The following TIAM2 variants were observed in gnomAD, a reference collection of about 807,000 sequenced individuals.
TIAM2 encodes TIAM Rac1 associated GEF 2, also known as rho guanine nucleotide exchange factor TIAM2.
Under a neutral mutation model 152.9 loss-of-function variants are expected in TIAM2, and 80 were observed. The observed-to-expected ratio is 0.52, with a 90% CI of 0.44 to 0.63. TIAM2 has a LOEUF of 0.63. Ranked by LOEUF, TIAM2 falls within the 30% of genes least tolerant of loss-of-function variation. The probability of loss-of-function intolerance (pLI) is 0.00; values close to 1 mark genes in which losing one functional copy is unlikely to be tolerated. For synonymous variants in TIAM2, 804 were observed against 838.0 expected, an observed-to-expected ratio of 0.96 and a Z score of 0.70; for missense variants, 1,965 against 2,120.1, an observed-to-expected ratio of 0.93 and a Z score of 1.44.
At chr6:155,217,021 C>A in intron 15 of TIAM2, 5 of 1,283,596 alleles carry the variant, frequency 3.9e-6, no homozygotes, top group Non-Finnish European at 5.1e-6. Flanking sequence ...TCCCAACAGC[C>A]GACTTAGATG....
chr6:155,145,503 G>A (rs1185806514), intron 6 of TIAM2, among the ~76,000 whole-genome samples: 2 of 152,086 alleles, frequency 1.3e-5, no homozygotes, highest in Non-Finnish European at 2.9e-5. Flanking sequence ...AAATGACATC[G>A]TGTGTGTGTT....
chr6:155,129,869 A>G lies in TIAM2; in HGVS notation c.646A>G (p.Arg216Gly). Residue 216 changes from arginine (R) to glycine (G), a missense_variant, in exon 4 of 27, where the codon AGG (arginine) becomes GGG (glycine). Transcript: ENST00000682666. This position sits in a 1 kb window ranked among gnomAD's most constrained non-coding sequence, Gnocchi z 4.8. ...SETSPVPEAR[R>G]GSSADSLPSH... Reference sequence around the variant, plus strand: ...AACCTCCCCTGTGCCTGAAGCCAGGAGGGGGTCCAGCGCCGATTCCCTGCC... The same window carrying G: ...AACCTCCCCTGTGCCTGAAGCCAGGGGGGGGTCCAGCGCCGATTCCCTGCC... 6.2e-7 allele frequency: 1 copy of G among 1,613,734 alleles called. No homozygotes were observed. The highest frequency in any genetic ancestry group is 8.5e-7 in the Non-Finnish European group (1 of 1,180,024).
intron 1 of TIAM2, among the ~76,000 whole-genome samples, chr6:155,020,052 C>CA (rs112314960): frequency 0.045 from 6,560 of 146,566 alleles, 219 homozygotes; most frequent in African/African-American, 0.087. Context: ...ACTCCGTCTG[C>CA]AAAAAAAAAA....
At chr6:155,159,874 A>C (rs1449469695) in intron 7 of TIAM2, among the ~76,000 whole-genome samples, 1 of 152,216 alleles carries the variant, frequency 6.6e-6, no homozygotes, top group African/African-American at 2.4e-5. Context: ...ATGATCTTTC[A>C]ATATGGAATA....
At position 155,253,900 on chromosome 6, in the gene TIAM2, A is replaced by G. The variant is rs1173918950; in HGVS notation, c.4226-73A>G. On this transcript the variant is annotated intron_variant, in intron 24 of 26. Transcript: ENST00000682666. Reference sequence around the variant, plus strand: ...GACTTTCTTAACTGATGAGATTTCAACTTTACAAGTGTTCTTAACCACAGC... The same window carrying G: ...GACTTTCTTAACTGATGAGATTTCAGCTTTACAAGTGTTCTTAACCACAGC... 3.5e-6 allele frequency: 4 copies of G among 1,158,374 alleles called. No individual in the cohort carries two copies. In the African/African-American group the frequency reaches 6.3e-5, roughly 18 times the overall value. 71.8% of individuals were successfully genotyped at this position (1,158,374 alleles called of 1,614,324 possible).
intron 14 of TIAM2, among the ~76,000 whole-genome samples, chr6:155,199,968 C>A (rs1475236795): frequency 6.6e-6 from 1 of 152,212 alleles, no homozygotes; most frequent in African/African-American, 2.4e-5. Context: ...GTAGCTTGGA[C>A]AAGGTCATAG....
chr6:155,037,454 A>G (rs1238790452), intron 1 of TIAM2, among the ~76,000 whole-genome samples: 2 of 152,128 alleles, frequency 1.3e-5, no homozygotes, highest in African/African-American at 2.4e-5. Flanking sequence ...ATCACCTGGA[A>G]CTAAATGCAC....
chr6:155,251,681 A>T (rs1262162915), intron 22 of TIAM2, among the ~76,000 whole-genome samples: 1 of 152,240 alleles, frequency 6.6e-6, no homozygotes, highest in Non-Finnish European at 1.5e-5. Context: ...TGAGATGAAC[A>T]CAGTGTCCTC....
At chr6:155,192,312 GA>G (rs202152359) in intron 14 of TIAM2, among the ~76,000 whole-genome samples, 3 of 150,776 alleles carry the variant, frequency 2.0e-5, no homozygotes, top group Non-Finnish European at 3.0e-5. Flanking sequence ...ATACAAACAT[GA>G]AAAAAAAACA....
intron 1 of TIAM2, among the ~76,000 whole-genome samples, chr6:155,066,786 C>T (rs1388880451): frequency 2.0e-5 from 3 of 151,984 alleles, no homozygotes; most frequent in South Asian, 2.1e-4. Context: ...GACTGAGTCT[C>T]GCTCTGTCGC....
At chr6:155,085,622 T>G (rs991286437) in intron 1 of TIAM2, among the ~76,000 whole-genome samples, 2 of 150,904 alleles carry the variant, frequency 1.3e-5, no homozygotes, top group African/African-American at 4.9e-5. Context: ...AGCTTTCGAG[T>G]AGGACATGGG....
chr6:155,241,566 G>C (rs73579313), intron 16 of TIAM2, among the ~76,000 whole-genome samples: 184 of 152,220 alleles, frequency 1.2e-3, no homozygotes, highest in African/African-American at 4.2e-3. Context: ...TGGCACACAC[G>C]TGCGGCTATT....
Position 155,256,729 on chromosome 6 carries a change from G to C in TIAM2, c.4714G>C (p.Asp1572His), listed in dbSNP as rs997617223. ...IKESDILSDE[D>H]DDHRQTVKQG... ...AGAGAGTGACATCCTGAGCGATGAA[G>C]ATGATGACCACCGTCAGACTGTGAA... The change falls in exon 27 of 27, where the codon GAT (aspartate) becomes CAT (histidine). Residue 1572 changes from aspartate to histidine, a missense_variant. Physicochemically the swap from Asp to His is moderately conservative, Grantham distance 81. This residue lies in a region of TIAM2 where 935 missense variants were observed against 980.0 expected (regional missense o/e 0.95). Coordinates refer to ENST00000682666, the MANE Select transcript of TIAM2 (RefSeq NM_012454.4). The C allele has an allele frequency of 3.1e-6, 5 of 1,614,084 alleles. No homozygotes were observed. The highest frequency in any genetic ancestry group is 4.2e-6 in the Non-Finnish European group (5 of 1,180,052).
At chr6:155,029,503 A>G (rs1776767272) in intron 1 of TIAM2, among the ~76,000 whole-genome samples, 1 of 16,172 alleles carries the variant, frequency 6.2e-5, no homozygotes, top group Non-Finnish European at 1.2e-4. Flanking sequence ...TATATTATAT[A>G]TAATATATAC....
chr6:155,212,696 G>A (rs1050181916), intron 15 of TIAM2, among the ~76,000 whole-genome samples: 5 of 95,576 alleles, frequency 5.2e-5, no homozygotes, highest in South Asian at 3.3e-4. Context: ...AGGCCCACTC[G>A]GCCCACTCGA....
At position 155,086,612 on chromosome 6, in the gene TIAM2, C is replaced by T. The variant is rs113016948; in HGVS notation, c.-208-3677C>T. 6.8e-4 allele frequency among the ~76,000 whole-genome samples: 101 copies of T among 148,188 alleles called. 3 individuals carry two copies. The highest frequency in any genetic ancestry group is 2.1e-3 in the African/African-American group (84 of 40,308). On this transcript the variant is annotated intron_variant, in intron 1 of 26. Transcript: ENST00000682666. Reference sequence around the variant, plus strand: ...ATCCCGGCTACTCAGGAGGCTGAGGCGGGAGAATTGCTTGAACCTAGGAGG... The same window carrying T: ...ATCCCGGCTACTCAGGAGGCTGAGGTGGGAGAATTGCTTGAACCTAGGAGG...
In TIAM2 at chr6:155,031,302, G is replaced by A. The variant is rs1156392209; in HGVS notation, c.-209+35810G>A. 2.6e-5 allele frequency among the ~76,000 whole-genome samples: 4 copies of A among 152,144 alleles called. No homozygotes were observed. The East Asian group carries it at 5.8e-4, about 22-fold the overall frequency. On this transcript the variant is annotated intron_variant, in intron 1 of 26. Transcript: ENST00000682666. ...TTAGAATGAGTCAATATAAATCCAG[G>A]TGAGTCTTTCTAAATGACTCAGACA... is the stretch of plus-strand genomic sequence containing the variant.
intron 20 of TIAM2, 138 bp from the exon 21 acceptor site, chr6:155,249,713 T>C: frequency 1.6e-6 from 1 of 616,682 alleles, no homozygotes; most frequent in South Asian, 2.4e-5. Context: ...TGTTGTGACT[T>C]ATTCTGAATG....
At chr6:155,216,283 A>G (rs758590475) in intron 15 of TIAM2, among the ~76,000 whole-genome samples, 8 of 152,170 alleles carry the variant, frequency 5.3e-5, no homozygotes, top group African/African-American at 1.7e-4. Context: ...CCCTAGCCCA[A>G]CTGGTCTTCT....
Sources: allele counts gnomAD v4.1 joint callset (sites outside exome capture counted in the v4.1 genomes callset), GRCh38; gene constraint gnomAD v4.1.1; regional missense constraint gnomAD v4.1.1; non-coding constraint Gnocchi (gnomAD v3.1); transcripts MANE v1.5; gene names NCBI Gene and HGNC (gene_info 2026-07-23, HGNC 2026-07-21).